Variants in MGAT5 observed in about 807,000 individuals in gnomAD.
MGAT5 encodes the protein alpha-1,6-mannosylglycoprotein 6-beta-N-acetylglucosaminyltransferase.
Under a neutral mutation model 94.3 loss-of-function variants are expected in MGAT5, and 30 were observed. The observed-to-expected ratio is 0.32, with a 90% CI of 0.24 to 0.43. The LOEUF (loss-of-function observed/expected upper bound fraction) is 0.43. Ranked by LOEUF, MGAT5 falls within the 20% of genes least tolerant of loss-of-function variation. The pLI is 1.00. For synonymous variants in MGAT5, 310 were observed against 322.9 expected (o/e 0.96, Z 0.43); for missense variants, 691 against 905.5 (o/e 0.76, Z 3.04).
At chr2:134,322,599 T>C (rs1687399563) in intron 4 of MGAT5, among the ~76,000 whole-genome samples, 1 of 152,192 alleles carries the variant, frequency 6.6e-6, no homozygotes, top group Non-Finnish European at 1.5e-5. Context: ...ATTGTTAATG[T>C]GAGATTAGTA....
chr2:134,240,229 T>C (rs891133294), intron 1 of MGAT5, among the ~76,000 whole-genome samples: 1 of 152,162 alleles, frequency 6.6e-6, no homozygotes, highest in Non-Finnish European at 1.5e-5. Context: ...TTGTAAGACA[T>C]GTGGTCCAGG....
intron 1 of MGAT5, among the ~76,000 whole-genome samples, chr2:134,151,744 A>C (rs1313919774): frequency 7.6e-6 from 1 of 131,544 alleles, no homozygotes; most frequent in African/African-American, 3.6e-5. Flanking sequence ...ATGGGACCTC[A>C]CTCACTCATC....
intron 1 of MGAT5, among the ~76,000 whole-genome samples, chr2:134,262,693 A>C (rs1683413075): frequency 6.6e-6 from 1 of 152,246 alleles, no homozygotes; most frequent in Non-Finnish European, 1.5e-5. Context: ...ACCAGCGCTT[A>C]ATTAAAATGC....
intron 1 of MGAT5, among the ~76,000 whole-genome samples, chr2:134,156,683 G>A (rs978772354): frequency 6.6e-6 from 1 of 152,146 alleles, no homozygotes; most frequent in African/African-American, 2.4e-5. Context: ...AGAGCCACGA[G>A]AGAGCTCTCA....
intron 4 of MGAT5, among the ~76,000 whole-genome samples, chr2:134,321,893 T>C (rs1687346080): frequency 6.6e-6 from 1 of 152,128 alleles, no homozygotes; most frequent in African/African-American, 2.4e-5. Context: ...CTTACAAGTT[T>C]TAATCTGAAT....
At chr2:134,293,361 A>T (rs1685486927) in intron 2 of MGAT5, among the ~76,000 whole-genome samples, 1 of 152,214 alleles carries the variant, frequency 6.6e-6, no homozygotes, top group Non-Finnish European at 1.5e-5. Flanking sequence ...CACAGATGTT[A>T]AGAGTAAGTG....
At chr2:134,255,088 C>T (rs1280359045) in intron 1 of MGAT5, among the ~76,000 whole-genome samples, 1 of 152,098 alleles carries the variant, frequency 6.6e-6, no homozygotes, top group African/African-American at 2.4e-5. Context: ...CAATTGTGTT[C>T]CTCCCTCCAG....
intron 1 of MGAT5, among the ~76,000 whole-genome samples, chr2:134,128,848 C>T (rs1405579115): frequency 1.3e-5 from 2 of 152,188 alleles, no homozygotes; most frequent in Non-Finnish European, 2.9e-5. Context: ...CTTAGTCTCT[C>T]TTAGTGCTCA....
At chr2:134,256,850 C>T (rs541882277) in intron 1 of MGAT5, among the ~76,000 whole-genome samples, 1 of 152,358 alleles carries the variant, frequency 6.6e-6, no homozygotes, top group South Asian at 2.1e-4. Context: ...CTAGTTTTCT[C>T]TTTCATCGAA....
intron 2 of MGAT5, among the ~76,000 whole-genome samples, chr2:134,281,784 A>G (rs547699565): frequency 9.2e-5 from 14 of 152,354 alleles, no homozygotes; most frequent in African/African-American, 3.1e-4. Context: ...TAACCTGTCT[A>G]AACTCTATGT....
At chr2:134,246,073 A>T (rs1682241974) in intron 1 of MGAT5, among the ~76,000 whole-genome samples, 1 of 151,366 alleles carries the variant, frequency 6.6e-6, no homozygotes, top group African/African-American at 2.4e-5. Flanking sequence ...TGTTTTTAGC[A>T]GGTGTATTTC....
intron 10 of MGAT5, among the ~76,000 whole-genome samples, chr2:134,378,859 A>T (rs1228522815): frequency 6.6e-6 from 1 of 152,066 alleles, no homozygotes; most frequent in Non-Finnish European, 1.5e-5. Flanking sequence ...CAGGTGATGC[A>T]CCTGCCTCAG....
intron 1 of MGAT5, among the ~76,000 whole-genome samples, chr2:134,262,597 G>A (rs1272638337): frequency 6.6e-6 from 1 of 152,122 alleles, no homozygotes; most frequent in Admixed American, 6.5e-5. Context: ...TATTGCCCAG[G>A]CTGGTCTCAA....
intron 2 of MGAT5, among the ~76,000 whole-genome samples, chr2:134,297,196 CAAA>C (rs143685303): frequency 3.0e-4 from 30 of 100,448 alleles, no homozygotes; most frequent in African/African-American, 3.5e-4. Context: ...GACCTGGTCT[CAAA>C]AAAAAAAAAA....
At chr2:134,248,928 G>A (rs1482689115) in intron 1 of MGAT5, among the ~76,000 whole-genome samples, 1 of 152,062 alleles carries the variant, frequency 6.6e-6, no homozygotes, top group Non-Finnish European at 1.5e-5. Context: ...GCTGCTCAGT[G>A]TTCTCAGGTG....
At chr2:134,337,755 A>G (rs1272618074) in intron 5 of MGAT5, among the ~76,000 whole-genome samples, 1 of 152,184 alleles carries the variant, frequency 6.6e-6, no homozygotes, top group Non-Finnish European at 1.5e-5. Context: ...GAAAACAATG[A>G]ATTTTTGTTT....
Position 134,449,520 on chromosome 2 carries a change from T to C in MGAT5, c.*673T>C, listed in dbSNP as rs1045350647. On this transcript the variant is annotated 3_prime_UTR_variant, in exon 16 of 16. Coordinates refer to ENST00000281923, the MANE Select transcript of MGAT5 (RefSeq NM_002410.5). ...ATCGTCATAGATGGCACCTAGAGCA[T>C]GGGCTGCCTCAGTCAGGGGGACGTG... The C allele has an allele frequency of 2.6e-5, 4 of 152,726 alleles. No individual in the cohort carries two copies. Among genetic ancestry groups the C allele is most frequent in the Non-Finnish European group, 5.8e-5 (4 of 68,500 alleles). The allele number at this position is 152,726 out of a possible 1,614,324, so 9.5% of individuals were successfully genotyped here.
At position 134,255,486 on chromosome 2, in the gene MGAT5, CAT is replaced by C. The variant is rs141340333; in HGVS notation, c.241+850_241+851del. 1.2e-4 allele frequency among the ~76,000 whole-genome samples: 18 copies of C among 148,692 alleles called. No homozygotes were observed. In the East Asian group the frequency reaches 1.8e-3, roughly 14 times the overall value. ...ATATATACATATATATACATATATACATATATATACACATATATACACATATA... is the reference window on the plus strand; with the variant it reads ...ATATATACATATATATACATATATACATATATACACATATATACACATATA... On this transcript the variant is annotated intron_variant, in intron 1 of 15. Coordinates refer to ENST00000281923, the MANE Select transcript of MGAT5 (RefSeq NM_002410.5).
chr2:134,429,090 C>A (rs544246502), intron 14 of MGAT5, among the ~76,000 whole-genome samples: 12 of 152,218 alleles, frequency 7.9e-5, no homozygotes, highest in African/African-American at 2.9e-4. Context: ...ACTCAGAACC[C>A]CTGTGGGTAG....
Sources: gnomAD v4.1 joint callset for allele counts (sites outside exome capture counted in the v4.1 genomes callset) on GRCh38, gnomAD v4.1.1 for gene constraint, MANE v1.5 for transcripts, NCBI Gene and HGNC (gene_info 2026-07-23, HGNC 2026-07-21) for gene names.